ASAP2: variants seen among roughly 807,000 people sequenced by gnomAD.
ASAP2 encodes ArfGAP with SH3 domain, ankyrin repeat and PH domain 2.
A neutral mutation model predicts 131.4 loss-of-function variants in ASAP2; 45 were observed. That is an observed-to-expected ratio of 0.34 (90% CI 0.27 to 0.44). The LOEUF (loss-of-function observed/expected upper bound fraction) is 0.44, where lower values mean the gene tolerates loss of function less well. Among genes scored for constraint, ASAP2 ranks in the 20% least tolerant of loss-of-function variants. The pLI, the probability that ASAP2 is intolerant of heterozygous loss-of-function variation, is 1.00. For missense variants in ASAP2, 1,011 were observed against 1,297.0 expected, an observed-to-expected ratio of 0.78 and a Z score of 3.39; for synonymous variants, 510 against 503.0, an observed-to-expected ratio of 1.01 and a Z score of -0.19.
chr2:9,210,962 C>T (rs927961883), intron 1 of ASAP2, among the ~76,000 whole-genome samples: 1 of 151,918 alleles, frequency 6.6e-6, no homozygotes, highest in Non-Finnish European at 1.5e-5. Context: ...TCGAAACCAG[C>T]CTGACCAACA....
chr2:9,344,271 A>C (rs1002034473), intron 9 of ASAP2, among the ~76,000 whole-genome samples: 1 of 152,094 alleles, frequency 6.6e-6, no homozygotes, highest in African/African-American at 2.4e-5. Flanking sequence ...TAAAACCTGG[A>C]AACTTCCAGG....
chr2:9,400,214 C>T (rs1357594259), intron 25 of ASAP2, 142 bp downstream of exon 25: 1 of 679,246 alleles, frequency 1.5e-6, no homozygotes, highest in East Asian at 3.0e-5. Flanking sequence ...TCCCCTCCTG[C>T]CCCCTCCCCT....
intron 1 of ASAP2, among the ~76,000 whole-genome samples, chr2:9,237,997 C>T (rs1408005623): frequency 6.8e-6 from 1 of 146,296 alleles, no homozygotes; most frequent in South Asian, 2.2e-4. Flanking sequence ...GATCCGTGGG[C>T]TGGCGTGTCT....
intron 1 of ASAP2, among the ~76,000 whole-genome samples, chr2:9,261,679 C>T (rs1379693075): frequency 6.6e-6 from 1 of 152,240 alleles, no homozygotes; most frequent in Non-Finnish European, 1.5e-5. Context: ...TGCCCCCAAC[C>T]TTTAACAGTG....
chr2:9,221,960 A>AT (rs923234661), intron 1 of ASAP2, among the ~76,000 whole-genome samples: 118 of 144,786 alleles, frequency 8.1e-4, no homozygotes, highest in East Asian at 1.4e-3. Context: ...CGCCTGGCTA[A>AT]TTTTTTTTTT....
chr2:9,228,392 G>T (rs1264523756), intron 1 of ASAP2, among the ~76,000 whole-genome samples: 1 of 152,144 alleles, frequency 6.6e-6, no homozygotes, highest in African/African-American at 2.4e-5. Context: ...TGAGATGATG[G>T]CTAAGTGGTT....
intron 2 of ASAP2, among the ~76,000 whole-genome samples, chr2:9,291,971 C>T (rs368997042): frequency 2.6e-5 from 4 of 152,014 alleles, no homozygotes; most frequent in African/African-American, 4.8e-5. Flanking sequence ...AATGAAGAAA[C>T]GGTTTTTGCT....
At chr2:9,355,968 T>G in intron 12 of ASAP2, 79 bp from the exon 13 acceptor site, 1 of 1,517,168 alleles carries the variant, frequency 6.6e-7, no homozygotes, top group Non-Finnish European at 9.2e-7. Context: ...TTCCAGAGGC[T>G]AATTAGAAAC....
intron 3 of ASAP2, among the ~76,000 whole-genome samples, chr2:9,309,156 A>C (rs1252409442): frequency 6.6e-6 from 1 of 152,174 alleles, no homozygotes; most frequent in Non-Finnish European, 1.5e-5. Flanking sequence ...AAGAGTCTCC[A>C]TCCCACAAAT....
At chr2:9,381,669 C>A (rs1674852943) in intron 20 of ASAP2, among the ~76,000 whole-genome samples, 1 of 152,160 alleles carries the variant, frequency 6.6e-6, no homozygotes, top group African/African-American at 2.4e-5. Context: ...ACCAGGAGTT[C>A]AAAGCTACAG....
intron 14 of ASAP2, among the ~76,000 whole-genome samples, chr2:9,358,115 G>A (rs975803461): frequency 5.3e-5 from 8 of 152,110 alleles, no homozygotes; most frequent in African/African-American, 1.2e-4. Context: ...ACTCCCTGGC[G>A]ACCTCGAGCC....
At chr2:9,227,393 C>T (rs1356226996) in intron 1 of ASAP2, among the ~76,000 whole-genome samples, 5 of 152,182 alleles carry the variant, frequency 3.3e-5, no homozygotes, top group Admixed American at 6.5e-5. Context: ...ACCATTTACA[C>T]GGTGGACTTG....
At chr2:9,224,258 T>C (rs1344754241) in intron 1 of ASAP2, among the ~76,000 whole-genome samples, 1 of 152,088 alleles carries the variant, frequency 6.6e-6, no homozygotes, top group East Asian at 1.9e-4. Flanking sequence ...CGCTTCCTTT[T>C]TGGGGTCAGG....
In ASAP2 at chr2:9,292,192, G is replaced by A. The variant is rs993998830; in HGVS notation, c.200-5108G>A. The stretch of plus-strand genomic sequence containing the variant: ...AGGAGGTGGGGACAATGAGACCTGT[G>A]CTGCCCTGTGGCGATTTTGAGAGTT... On this transcript the variant is annotated intron_variant, in intron 2 of 27. Coordinates refer to ENST00000281419, the MANE Select transcript of ASAP2 (RefSeq NM_003887.3). Among the ~76,000 whole-genome samples the A allele has an allele frequency of 3.9e-5, 6 of 152,140 alleles. No individual in the cohort carries two copies. In the South Asian group the frequency reaches 1.2e-3, roughly 32 times the overall value.
intron 9 of ASAP2, among the ~76,000 whole-genome samples, chr2:9,335,739 G>A (rs570864222): frequency 1.3e-5 from 2 of 152,342 alleles, no homozygotes; most frequent in African/African-American, 4.8e-5. Context: ...GGGACAGTTT[G>A]TGTTGTGGGG....
intron 1 of ASAP2, among the ~76,000 whole-genome samples, chr2:9,222,250 T>C (rs1662476037): frequency 6.6e-6 from 1 of 152,244 alleles, no homozygotes; most frequent in African/African-American, 2.4e-5. Context: ...TTTTATTCTT[T>C]ATTTGGCCTC....
intron 2 of ASAP2, among the ~76,000 whole-genome samples, chr2:9,295,580 A>G (rs1668101118): frequency 6.6e-6 from 1 of 152,168 alleles, no homozygotes; most frequent in Non-Finnish European, 1.5e-5. Context: ...CCAAGGTCAT[A>G]CAGATATTTA....
At chr2:9,337,149 G>A (rs142872024) in intron 9 of ASAP2, among the ~76,000 whole-genome samples, 7 of 152,352 alleles carry the variant, frequency 4.6e-5, no homozygotes, top group Admixed American at 4.6e-4. Context: ...TGCACAGAGG[G>A]ATCAAATGAA....
At chr2:9,292,902 G>T (rs1459528388) in intron 2 of ASAP2, among the ~76,000 whole-genome samples, 2 of 152,228 alleles carry the variant, frequency 1.3e-5, no homozygotes. Flanking sequence ...TTGGCTGGGG[G>T]ACGCCCATCC....
Sources: allele counts gnomAD v4.1 joint callset (sites outside exome capture counted in the v4.1 genomes callset), GRCh38; gene constraint gnomAD v4.1.1; transcripts MANE v1.5; gene names NCBI Gene and HGNC (gene_info 2026-07-23, HGNC 2026-07-21).